MTFR1L: variants seen among roughly 807,000 people sequenced by gnomAD.
The protein encoded by MTFR1L is mitochondrial fission regulator 1 like.
MTFR1L carries 10 observed loss-of-function variants against 27.9 expected under a neutral mutation model. That is an observed-to-expected ratio of 0.36 (90% CI 0.22 to 0.61). The LOEUF (loss-of-function observed/expected upper bound fraction) is 0.61, where lower values mean the gene tolerates loss of function less well. Ranked by LOEUF, MTFR1L falls within the 20% of genes least tolerant of loss-of-function variation. MTFR1L has a pLI of 0.73. For missense variants in MTFR1L, 315 were observed against 363.7 expected (o/e 0.87, Z 1.09); for synonymous variants, 151 against 139.4 (o/e 1.08, Z -0.58).
At chr1:25,820,691 CG>C in intron 1 of MTFR1L, 1 of 427,734 alleles carries the variant, frequency 2.3e-6, no homozygotes, top group Non-Finnish European at 4.6e-6. Flanking sequence ...GCCGGCGAAC[CG>C]GGGGAAGATC....
At position 25,829,660 on chromosome 1, in the gene MTFR1L, A is replaced by T; in HGVS notation, c.603A>T (p.Pro201=). The change falls in exon 6 of 7, where the codon CCA becomes CCT. Residue 201 remains proline, a synonymous_variant. Transcript: ENST00000374303. ...CAGAGGTGGAGGTCCCTGAGCTTCCATCAGTCCCCCTGCTTTGTTCTGCCA... is the reference window on the plus strand; with the variant it reads ...CAGAGGTGGAGGTCCCTGAGCTTCCTTCAGTCCCCCTGCTTTGTTCTGCCA... ...EETEVEVPEL[P]SVPLLCSASP... 1 of 1,614,210 alleles carries T rather than the reference A, an allele frequency of 6.2e-7. No homozygotes were observed. The highest frequency in any genetic ancestry group is 8.5e-7 in the Non-Finnish European group (1 of 1,180,034).
Position 25,823,750 on chromosome 1 carries a change from T to C in MTFR1L, c.129+2T>C. 4 of 1,613,260 alleles carry C rather than the reference T, an allele frequency of 2.5e-6. No individual in the cohort carries two copies. The highest frequency in any genetic ancestry group is 1.3e-5 in the African/African-American group (1 of 74,940). On this transcript the variant is annotated splice_donor_variant, in intron 3 of 6. Coordinates refer to ENST00000374303, the MANE Select transcript of MTFR1L (RefSeq NM_001099625.2). LOFTEE classifies it high-confidence loss of function. ...CCGTGTGCCCGGGCGTCCTTTGAGG[T>C]GAGTATGTTGGAAGGGCAGGAGAGT...
chr1:25,820,543 GC>G (rs1456104973), intron 1 of MTFR1L: 5 of 356,382 alleles, frequency 1.4e-5, no homozygotes, highest in East Asian at 2.0e-4. Flanking sequence ...CTCCGTGGGG[GC>G]CCCCGGGACC....
chr1:25,830,044 T>C (rs989762580), intron 6 of MTFR1L, among the ~76,000 whole-genome samples: 4 of 152,226 alleles, frequency 2.6e-5, no homozygotes, highest in Non-Finnish European at 4.4e-5. Flanking sequence ...CAACCAAATA[T>C]GAGGCTAGTA....
intron 3 of MTFR1L, among the ~76,000 whole-genome samples, chr1:25,825,434 T>G (rs1000591522): frequency 3.3e-5 from 5 of 152,194 alleles, no homozygotes. Context: ...CCTCTTTTTC[T>G]AGATGGATGT....
In MTFR1L at chr1:25,826,406, G is replaced by C. The variant is rs1557443118; in HGVS notation, c.234G>C (p.Arg78=). 1 of 1,614,014 alleles carries C rather than the reference G, an allele frequency of 6.2e-7. No homozygotes were observed. The highest frequency in any genetic ancestry group is 1.7e-5 in the Admixed American group (1 of 60,000). ...CGGATGAAGAGGAGACATATGCCCG[G>C]GTCAGGTAGTTGAGGCAGTAGCTGG... ...IAADEEETYA[R]VRSDTRPLRH... is the part of the protein sequence containing the mutation. The change falls in exon 4 of 7, where the codon CGG becomes CGC. Residue 78 remains arginine, a synonymous_variant. Coordinates refer to ENST00000374303, the MANE Select transcript of MTFR1L (RefSeq NM_001099625.2). This position sits in a 1 kb window ranked among gnomAD's most constrained non-coding sequence, Gnocchi z 4.1.
At chr1:25,822,492 T>C (rs1285082039) in intron 1 of MTFR1L, 1 of 142,082 alleles carries the variant, frequency 7.0e-6, no homozygotes, top group Non-Finnish European at 1.5e-5. Flanking sequence ...CCAGGAAGGC[T>C]CTTGGGTTGG....
At position 25,826,857 on chromosome 1, in the gene MTFR1L, A is replaced by G; in HGVS notation, c.451+31A>G. 1 of 1,608,244 alleles carries G rather than the reference A, an allele frequency of 6.2e-7. No individual in the cohort carries two copies. Among genetic ancestry groups the G allele is most frequent in the Non-Finnish European group, 8.5e-7 (1 of 1,177,168 alleles). On this transcript the variant is annotated intron_variant, in intron 5 of 6. Coordinates refer to ENST00000374303, the MANE Select transcript of MTFR1L (RefSeq NM_001099625.2). The surrounding 1 kb of genome is among the most constrained non-coding windows in gnomAD (Gnocchi z 4.1). Reference sequence around the variant, plus strand: ...AGCCCCTGTGCCAGGGCCAGAACGTAACAGGCTGTTCCTTTCCCCTGGCTC... The same window carrying G: ...AGCCCCTGTGCCAGGGCCAGAACGTGACAGGCTGTTCCTTTCCCCTGGCTC...
chr1:25,829,483 C>T (rs752392676), intron 5 of MTFR1L, 26 bp from the exon 6 acceptor site: 2 of 1,599,414 alleles, frequency 1.3e-6, no homozygotes, highest in Non-Finnish European at 1.7e-6. Context: ...CCAATGTCCA[C>T]CCATGCCTAT....
chr1:25,831,732 CTGAG>C (rs2048243436), intron 6 of MTFR1L, among the ~76,000 whole-genome samples, 185 bp from the exon 7 acceptor site: 1 of 152,208 alleles, frequency 6.6e-6, no homozygotes, highest in South Asian at 2.1e-4. Context: ...CGCTTACTTG[CTGAG>C]TGACTAGTGA....
At chr1:25,829,444 G>A in intron 5 of MTFR1L, 65 bp from the exon 6 acceptor site, 1 of 1,399,878 alleles carries the variant, frequency 7.1e-7, no homozygotes, top group Non-Finnish European at 9.9e-7. Flanking sequence ...AGGGCTGTGG[G>A]GAGAAGATAT....
At chr1:25,821,739 T>C (rs2048095561) in intron 1 of MTFR1L, 1 of 152,400 alleles carries the variant, frequency 6.6e-6, no homozygotes. Context: ...ACCTGTGCTC[T>C]TGCTGTTTTG....
intron 6 of MTFR1L, among the ~76,000 whole-genome samples, chr1:25,830,794 A>C (rs2048228954): frequency 6.6e-6 from 1 of 152,168 alleles, no homozygotes; most frequent in South Asian, 2.1e-4. Context: ...TTTCCCTCTG[A>C]AAAGTAGACC....
intron 3 of MTFR1L, among the ~76,000 whole-genome samples, chr1:25,824,743 G>T (rs1224671186): frequency 6.6e-6 from 1 of 151,846 alleles, no homozygotes; most frequent in Non-Finnish European, 1.5e-5. Context: ...TCCTGGGCAG[G>T]AACTGGTCCT....
chr1:25,831,806 G>A, intron 6 of MTFR1L, 115 bp from the exon 7 acceptor site: 1 of 946,678 alleles, frequency 1.1e-6, no homozygotes, highest in South Asian at 1.4e-5. Flanking sequence ...AAAGGGAATT[G>A]TAATGGCACC....
chr1:25,826,335 G>A lies in MTFR1L; in HGVS notation c.163G>A (p.Asp55Asn), dbSNP rs1404739386. Reference protein sequence around the residue: ...LPNISDLCLRDVPPVPTLADI... With the variant: ...LPNISDLCLRNVPPVPTLADI... ...CAACATCTCTGACCTGTGTTTGAGAGATGTGCCCCCAGTCCCTACCCTGGC... is the reference window on the plus strand; with the variant it reads ...CAACATCTCTGACCTGTGTTTGAGAAATGTGCCCCCAGTCCCTACCCTGGC... The change falls in exon 4 of 7, where the codon GAT becomes AAT. Residue 55 changes from aspartate to asparagine, a missense_variant. Asp to Asn is a conservative substitution (Grantham distance 23). Transcript: ENST00000374303. The surrounding 1 kb of genome is among the most constrained non-coding windows in gnomAD (Gnocchi z 4.1). 6.2e-7 allele frequency: 1 copy of A among 1,614,082 alleles called. No individual in the cohort carries two copies. Among genetic ancestry groups the A allele is most frequent in the African/African-American group, 1.3e-5 (1 of 74,930 alleles).
At position 25,832,498 on chromosome 1, in the gene MTFR1L, G is replaced by A. The variant is rs941264334; in HGVS notation, c.*472G>A. On this transcript the variant is annotated 3_prime_UTR_variant, in exon 7 of 7. Transcript: ENST00000374303. ...GTTCACAGGGCACGGAAAATCTTAT[G>A]CTGCTCCGTCATAAACCTACACCAA... is the stretch of plus-strand genomic sequence containing the variant. The A allele has an allele frequency of 3.4e-6, 1 of 292,788 alleles. No homozygotes were observed. Among genetic ancestry groups the A allele is most frequent in the African/African-American group, 2.1e-5 (1 of 47,058 alleles). 18.1% of individuals were successfully genotyped at this position (292,788 alleles called of 1,614,324 possible).
At position 25,823,066 on chromosome 1, in the gene MTFR1L, A is replaced by G. The variant is rs762872139; in HGVS notation, c.-39A>G. The G allele has an allele frequency of 7.4e-6, 12 of 1,613,998 alleles. No homozygotes were observed. Among genetic ancestry groups the G allele is most frequent in the Non-Finnish European group, 9.3e-6 (11 of 1,180,016 alleles). On this transcript the variant is annotated 5_prime_UTR_variant, in exon 2 of 7. Transcript: ENST00000374303. ...CGCCTCCCGCCTCCCGGAGCTGCCC[A>G]GTGGCTGCCTTGTCCTTCAAGTGCA...
chr1:25,825,148 A>T (rs2048151353), intron 3 of MTFR1L, among the ~76,000 whole-genome samples: 1 of 152,174 alleles, frequency 6.6e-6, no homozygotes, highest in Non-Finnish European at 1.5e-5. Context: ...AACTCCTGTG[A>T]GTCCCAGGTT....
Sources: gnomAD v4.1 joint callset for allele counts (sites outside exome capture counted in the v4.1 genomes callset) on GRCh38, gnomAD v4.1.1 for gene constraint, Gnocchi (gnomAD v3.1) non-coding constraint, MANE v1.5 for transcripts, NCBI Gene and HGNC (gene_info 2026-07-23, HGNC 2026-07-21) for gene names.